Variants in CWF19L2 observed in about 807,000 individuals in gnomAD.
CWF19L2 encodes the protein CWF19 like cell cycle control factor 2.
Under a neutral mutation model 111.7 loss-of-function variants are expected in CWF19L2, and 98 were observed. The observed-to-expected ratio is 0.88, with a 90% CI of 0.75 to 1.04. The LOEUF is 1.04. Among genes scored for constraint, CWF19L2 ranks in the 50% least tolerant of loss-of-function variants. CWF19L2 has a pLI of 0.00. For missense variants in CWF19L2, 1,101 were observed against 1,051.4 expected, an observed-to-expected ratio of 1.05 and a Z score of -0.65; for synonymous variants, 351 against 342.9, an observed-to-expected ratio of 1.02 and a Z score of -0.26.
chr11:107,360,459 T>C (rs1860309975), intron 12 of CWF19L2, among the ~76,000 whole-genome samples: 1 of 152,198 alleles, frequency 6.6e-6, no homozygotes, highest in Non-Finnish European at 1.5e-5. Flanking sequence ...AGTGGGGGTA[T>C]TTTTTATAAT....
intron 13 of CWF19L2, among the ~76,000 whole-genome samples, chr11:107,349,659 A>G (rs939679319): frequency 6.6e-6 from 1 of 152,172 alleles, no homozygotes; most frequent in Non-Finnish European, 1.5e-5. Context: ...TATACAGAGA[A>G]CAAAAGCATT....
chr11:107,331,196 GGAGA>G (rs1859845323), intron 16 of CWF19L2, among the ~76,000 whole-genome samples: 1 of 152,030 alleles, frequency 6.6e-6, no homozygotes, highest in Admixed American at 6.6e-5. Context: ...ACAAAGTAAA[GGAGA>G]TAGACAAGGC....
intron 6 of CWF19L2, among the ~76,000 whole-genome samples, chr11:107,437,997 C>G (rs1205057786): frequency 6.6e-6 from 1 of 151,942 alleles, no homozygotes; most frequent in African/African-American, 2.4e-5. Flanking sequence ...ACACTTCTGC[C>G]TGAAGTTGAA....
chr11:107,332,724 G>T (rs1345963158), intron 16 of CWF19L2, among the ~76,000 whole-genome samples: 2 of 152,080 alleles, frequency 1.3e-5, no homozygotes, highest in African/African-American at 4.8e-5. Flanking sequence ...TTTTTGAAAA[G>T]ATAATGGAAA....
At chr11:107,327,722 G>C (rs1251344106) in intron 17 of CWF19L2, among the ~76,000 whole-genome samples, 1 of 151,958 alleles carries the variant, frequency 6.6e-6, no homozygotes, top group East Asian at 1.9e-4. Flanking sequence ...ATCAAATTTA[G>C]GCATGTGAGT....
At chr11:107,360,117 C>T (rs941631038) in intron 12 of CWF19L2, among the ~76,000 whole-genome samples, 2 of 152,192 alleles carry the variant, frequency 1.3e-5, no homozygotes, top group African/African-American at 4.8e-5. Flanking sequence ...CTCCCACCCC[C>T]TTATTCTTCT....
At chr11:107,412,710 A>G (rs936824580) in intron 10 of CWF19L2, among the ~76,000 whole-genome samples, 5 of 152,230 alleles carry the variant, frequency 3.3e-5, no homozygotes, top group African/African-American at 1.2e-4. Flanking sequence ...AGTTTTATTC[A>G]TAACTGCAAA....
chr11:107,433,519 G>A, intron 7 of CWF19L2, 115 bp downstream of exon 7: 1 of 372,980 alleles, frequency 2.7e-6, no homozygotes. Flanking sequence ...TACTTCAGTA[G>A]TATAAAGACA....
At chr11:107,453,785 G>C (rs1861814016) in intron 3 of CWF19L2, among the ~76,000 whole-genome samples, 1 of 151,934 alleles carries the variant, frequency 6.6e-6, no homozygotes, top group Non-Finnish European at 1.5e-5. Context: ...CCTGGCCCAG[G>C]GGGTGCCCAC....
chr11:107,363,203 T>C (rs998142024), intron 12 of CWF19L2, among the ~76,000 whole-genome samples: 2 of 152,084 alleles, frequency 1.3e-5, no homozygotes, highest in African/African-American at 2.4e-5. Context: ...CGGATTGGTG[T>C]ACCTGAAAGT....
At chr11:107,329,219 A>G (rs1370188990) in intron 17 of CWF19L2, among the ~76,000 whole-genome samples, 3 of 152,188 alleles carry the variant, frequency 2.0e-5, no homozygotes, top group African/African-American at 7.2e-5. Context: ...CAGTTGCTGC[A>G]TTAACTTTAT....
chr11:107,441,563 G>C lies in CWF19L2; in HGVS notation c.510C>G (p.Leu170=). 5.8e-6 allele frequency: 9 copies of C among 1,551,022 alleles called. No homozygotes were observed. Among genetic ancestry groups the C allele is most frequent in the Non-Finnish European group, 7.8e-6 (9 of 1,146,936 alleles). ...MSVKTVSSSS[L]KAEKETMRKI... ...TCCTCATAGTTTCCTTTTCAGCTTT[G>C]AGTGATGATGATGACACAGTTTTAA... The change falls in exon 5 of 18, where the codon CTC becomes CTG. Residue 170 remains leucine, a synonymous_variant. Transcript: ENST00000282251.
At chr11:107,336,798 C>A in intron 14 of CWF19L2, 85 bp from the exon 15 acceptor site, 1 of 752,762 alleles carries the variant, frequency 1.3e-6, no homozygotes. Flanking sequence ...AATATGAAAA[C>A]TTTAATAAAA....
intron 9 of CWF19L2, 68 bp from the exon 10 acceptor site, chr11:107,416,366 AT>A: frequency 1.5e-6 from 1 of 656,412 alleles, no homozygotes; most frequent in Non-Finnish European, 2.3e-6. Context: ...AAATGTTCAA[AT>A]TTACACAACA....
At chr11:107,349,089 G>A (rs535089525) in intron 13 of CWF19L2, 36 bp from the exon 14 acceptor site, 19 of 1,080,304 alleles carry the variant, frequency 1.8e-5, no homozygotes, top group African/African-American at 4.8e-5. Context: ...AAATGTTATT[G>A]TTATTTATAT....
Position 107,335,986 on chromosome 11 carries a change from C to G in CWF19L2, c.2358+572G>C, listed in dbSNP as rs572863925. On this transcript the variant is annotated intron_variant, in intron 15 of 17. Transcript: ENST00000282251. ...CCTATAATTCCAGCACTTTGGGAGG[C>G]TGAGGCGGGCAGATCACGAGGTCAA... Among the ~76,000 whole-genome samples, 9 of 152,206 alleles carry G rather than the reference C, an allele frequency of 5.9e-5. No homozygotes were observed. The South Asian group carries it at 6.2e-4, about 11-fold the overall frequency.
chr11:107,437,957 C>T (rs1289259483), intron 6 of CWF19L2, among the ~76,000 whole-genome samples: 1 of 152,056 alleles, frequency 6.6e-6, no homozygotes, highest in Non-Finnish European at 1.5e-5. Flanking sequence ...CCTTGTATGA[C>T]TATAGTTACT....
chr11:107,393,041 C>G lies in CWF19L2; in HGVS notation c.1618-146G>C, dbSNP rs1860871846. 2.2e-5 allele frequency: 11 copies of G among 504,472 alleles called. 2 individuals are homozygous for G. The South Asian group carries it at 3.8e-4, about 17-fold the overall frequency. The allele number at this position is 504,472 out of a possible 1,614,324, so 31.2% of individuals were successfully genotyped here. The stretch of plus-strand genomic sequence containing the variant: ...AAATCTCCTGGATTTTCATTACTCT[C>G]TATACTATAAAATGAACATAATCTT... On this transcript the variant is annotated intron_variant, in intron 10 of 17. Coordinates refer to ENST00000282251, the MANE Select transcript of CWF19L2 (RefSeq NM_152434.3).
intron 6 of CWF19L2, among the ~76,000 whole-genome samples, chr11:107,436,172 A>G (rs1391467945): frequency 6.6e-6 from 1 of 151,894 alleles, no homozygotes; most frequent in African/African-American, 2.4e-5. Context: ...CCAAAAAAAA[A>G]AAAAACAAAC....
Sources: allele counts gnomAD v4.1 joint callset (sites outside exome capture counted in the v4.1 genomes callset), GRCh38; gene constraint gnomAD v4.1.1; transcripts MANE v1.5; gene names NCBI Gene and HGNC (gene_info 2026-07-23, HGNC 2026-07-21).